Variants in CRYBB2 observed in about 807,000 individuals in gnomAD.
The protein encoded by CRYBB2 is crystallin beta B2, also known as beta-crystallin B2.
Under a neutral mutation model 24.3 loss-of-function variants are expected in CRYBB2, and 12 were observed. That is an observed-to-expected ratio of 0.49 (90% CI 0.32 to 0.80). The LOEUF (loss-of-function observed/expected upper bound fraction) is 0.80. CRYBB2 is among the 30% of genes least tolerant of loss of function. The probability of loss-of-function intolerance (pLI) is 0.04; values close to 1 mark genes in which losing one functional copy is unlikely to be tolerated. For synonymous variants in CRYBB2, 98 were observed against 101.6 expected (o/e 0.96, Z 0.21); for missense variants, 198 against 268.5 (o/e 0.74, Z 1.83).
chr22:25,218,092 T>A (rs1380729946), upstream of CRYBB2, among the ~76,000 whole-genome samples: 2 of 151,576 alleles, frequency 1.3e-5, no homozygotes, highest in Non-Finnish European at 2.9e-5. Context: ...ACACCGTCTC[T>A]ACTAAAAATA....
chr22:25,225,929 G>A (rs925319678), intron 3 of CRYBB2, among the ~76,000 whole-genome samples: 3 of 152,076 alleles, frequency 2.0e-5, no homozygotes, highest in Non-Finnish European at 2.9e-5. Context: ...AGATTTGACC[G>A]TTTAAGCACC....
chr22:25,218,781 AG>A (rs1299968810), upstream of CRYBB2, among the ~76,000 whole-genome samples: 23 of 35,026 alleles, frequency 6.6e-4, 1 homozygote, highest in East Asian at 2.2e-3. Context: ...GAGAGAGAGA[AG>A]AAAGAAAGAA....
chr22:25,231,707 C>G lies in CRYBB2; in HGVS notation c.553C>G (p.Gln185Glu). 1 of 1,614,138 alleles carries G rather than the reference C, an allele frequency of 6.2e-7. No homozygotes were observed. Among genetic ancestry groups the G allele is most frequent in the Non-Finnish European group, 8.5e-7 (1 of 1,180,014 alleles). ...SDFGAPHPQV[Q>E]SVRRIRDMQW... ...CTTTGGGGCCCCTCACCCCCAGGTG[C>G]AGTCCGTGCGCCGTATCCGCGACAT... The change falls in exon 6 of 6, where the codon CAG becomes GAG. Residue 185 changes from glutamine (Q) to glutamate (E), a missense_variant. By Grantham distance (29) the Gln-to-Glu change is conservative. Transcript: ENST00000398215.
At chr22:25,212,856 A>G (rs1935122973) in intron 1 of CRYBB2, 1 of 152,200 alleles carries the variant, frequency 6.6e-6, no homozygotes, top group Admixed American at 6.5e-5. Flanking sequence ...AACTTTACCA[A>G]GCATTCTTTA....
upstream of CRYBB2, among the ~76,000 whole-genome samples, chr22:25,217,839 G>A (rs536586785): frequency 2.4e-4 from 36 of 152,280 alleles, no homozygotes; most frequent in South Asian, 3.7e-3. Flanking sequence ...GTGTGCATGC[G>A]TGTGCATGCA....
In CRYBB2 at chr22:25,229,482, C is replaced by T; in HGVS notation, c.353C>T (p.Thr118Ile). 1 of 1,613,528 alleles carries T rather than the reference C, an allele frequency of 6.2e-7. No individual in the cohort carries two copies. Among genetic ancestry groups the T allele is most frequent in the Non-Finnish European group, 8.5e-7 (1 of 1,179,704 alleles). Residue 118 changes from threonine (T) to isoleucine (I), a missense_variant, in exon 5 of 6, where the codon ACC becomes ATC. Physicochemically the swap from Thr to Ile is moderately conservative, Grantham distance 89. Coordinates refer to ENST00000398215, the MANE Select transcript of CRYBB2 (RefSeq NM_000496.3). ...KIILYENPNF[T>I]GKKMEIIDDD... is the part of the protein sequence containing the mutation. ...ATCCTCTATGAAAACCCCAACTTCA[C>T]CGGGAAGAAGATGGAAATCATAGAT...
Position 25,231,746 on chromosome 22 carries a change from C to G in CRYBB2, c.592C>G (p.Arg198Gly). The change falls in exon 6 of 6, where the codon CGT becomes GGT. Residue 198 changes from arginine (R) to glycine (G), a missense_variant. Arg to Gly is a moderately radical substitution (Grantham distance 125). Coordinates refer to ENST00000398215, the MANE Select transcript of CRYBB2 (RefSeq NM_000496.3). Reference sequence around the variant, plus strand: ...TATCCGCGACATGCAGTGGCACCAACGTGGTGCCTTCCACCCCTCCAACTA... The same window carrying G: ...TATCCGCGACATGCAGTGGCACCAAGGTGGTGCCTTCCACCCCTCCAACTA... ...RRIRDMQWHQ[R>G]GAFHPSN 6.2e-7 allele frequency: 1 copy of G among 1,614,064 alleles called. No homozygotes were observed. The highest frequency in any genetic ancestry group is 8.5e-7 in the Non-Finnish European group (1 of 1,179,938).
upstream of CRYBB2, among the ~76,000 whole-genome samples, chr22:25,218,241 A>G (rs939619268): frequency 6.7e-6 from 1 of 149,440 alleles, no homozygotes; most frequent in African/African-American, 2.5e-5. Context: ...CCTGGGCGAC[A>G]GAGCGAGACT....
chr22:25,215,414 T>C (rs553229361), upstream of CRYBB2, among the ~76,000 whole-genome samples: 1 of 152,348 alleles, frequency 6.6e-6, no homozygotes, highest in African/African-American at 2.4e-5. Context: ...TAATCTATAA[T>C]CTATAGAAAC....
chr22:25,218,832 AAG>A (rs1442998579), upstream of CRYBB2, among the ~76,000 whole-genome samples: 7 of 113,070 alleles, frequency 6.2e-5, no homozygotes, highest in South Asian at 1.4e-3. Context: ...GAAAGAAAGA[AAG>A]AAAGAGAAAG....
At chr22:25,221,829 T>C (rs1448013517) in intron 2 of CRYBB2, among the ~76,000 whole-genome samples, 2 of 152,146 alleles carry the variant, frequency 1.3e-5, no homozygotes, top group Non-Finnish European at 2.9e-5. Context: ...AAGGTGGGTG[T>C]GAGTCCTGGC....
At chr22:25,215,882 A>G (rs917236748), upstream of CRYBB2, among the ~76,000 whole-genome samples, 30 of 152,214 alleles carry the variant, frequency 2.0e-4, no homozygotes, top group African/African-American at 7.2e-4. Context: ...ATGGAACCAG[A>G]CAGTTTCAGG....
At position 25,229,367 on chromosome 22, in the gene CRYBB2, G is replaced by A. The variant is rs888055202; in HGVS notation, c.307-69G>A. Reference sequence around the variant, plus strand: ...TGCTGATCCCAACTCTGGGGCATGAGCATGGGGTGGGAAGGCCAACCCTGG... The same window carrying A: ...TGCTGATCCCAACTCTGGGGCATGAACATGGGGTGGGAAGGCCAACCCTGG... On this transcript the variant is annotated intron_variant, in intron 4 of 5. Transcript: ENST00000398215. 6.2e-4 allele frequency: 952 copies of A among 1,531,506 alleles called. 1 individual carries two copies. Among genetic ancestry groups the A allele is most frequent in the Non-Finnish European group, 8.0e-4 (908 of 1,128,644 alleles). The allele number at this position is 1,531,506 out of a possible 1,614,324, so 94.9% of individuals were successfully genotyped here.
upstream of CRYBB2, among the ~76,000 whole-genome samples, chr22:25,216,687 C>G (rs1199064392): frequency 6.6e-6 from 1 of 152,124 alleles, no homozygotes; most frequent in Non-Finnish European, 1.5e-5. Flanking sequence ...GAGTACAGTT[C>G]AGTGGCATTG....
intron 2 of CRYBB2, among the ~76,000 whole-genome samples, chr22:25,223,956 T>TA (rs1466880240): frequency 2.6e-5 from 4 of 151,692 alleles, no homozygotes; most frequent in Non-Finnish European, 5.9e-5. Context: ...CCATCTCTAC[T>TA]AAAAAAATAC....
chr22:25,221,373 G>T (rs1249735476), intron 1 of CRYBB2, 31 bp from the exon 2 acceptor site: 1 of 1,432,914 alleles, frequency 7.0e-7, no homozygotes, highest in Non-Finnish European at 9.9e-7. Context: ...GGCCCCTCCA[G>T]GTCCTCACTG....
chr22:25,216,814 A>G (rs1446372785), upstream of CRYBB2, among the ~76,000 whole-genome samples: 1 of 152,124 alleles, frequency 6.6e-6, no homozygotes, highest in East Asian at 1.9e-4. Context: ...AGTAACCTCT[A>G]TTCTACTTCC....
At chr22:25,222,433 C>T (rs1231773061) in intron 2 of CRYBB2, among the ~76,000 whole-genome samples, 2 of 152,300 alleles carry the variant, frequency 1.3e-5, no homozygotes, top group East Asian at 3.9e-4. Context: ...CTCTGAGGAG[C>T]TGACTTTGAG....
upstream of CRYBB2, among the ~76,000 whole-genome samples, chr22:25,215,090 A>C (rs942146764): frequency 6.6e-6 from 1 of 152,238 alleles, no homozygotes; most frequent in Non-Finnish European, 1.5e-5. Context: ...TGCAGGGACC[A>C]AGTGTTGGGA....
Sources: gnomAD v4.1 joint callset for allele counts (sites outside exome capture counted in the v4.1 genomes callset) on GRCh38, gnomAD v4.1.1 for gene constraint, MANE v1.5 for transcripts, NCBI Gene and HGNC (gene_info 2026-07-23, HGNC 2026-07-21) for gene names.